Variants in PKIB observed in about 807,000 individuals in gnomAD.
PKIB encodes cAMP-dependent protein kinase inhibitor beta.
PKIB carries 2 observed loss-of-function variants against 4.5 expected under a neutral mutation model. The observed-to-expected ratio is 0.44, with a 90% CI of 0.18 to 1.39. The LOEUF (loss-of-function observed/expected upper bound fraction) is 1.39. Among genes scored for constraint, PKIB ranks in the 40% most tolerant of loss-of-function variants. PKIB has a pLI of 0.27. For missense variants in PKIB, 94 were observed against 92.6 expected, an observed-to-expected ratio of 1.02 and a Z score of -0.06; for synonymous variants, 38 against 36.0, an observed-to-expected ratio of 1.06 and a Z score of -0.20.
At chr6:122,551,041 C>G (rs1772660969) in intron 2 of PKIB, among the ~76,000 whole-genome samples, 2 of 152,126 alleles carry the variant, frequency 1.3e-5, no homozygotes, top group Admixed American at 1.3e-4. Context: ...GCATGGCATT[C>G]TATCTTTTAT....
rs183484621 is a variant in PKIB at position 122,665,758 on chromosome 6, A to G, written c.-75-9320A>G. On this transcript the variant is annotated intron_variant, in intron 2 of 4. Coordinates refer to ENST00000368452, the MANE Select transcript of PKIB (RefSeq NM_181795.3). The stretch of plus-strand genomic sequence containing the variant: ...ATAGATATTTTCTGGTCCTATGCAT[A>G]TAACTGGTTATTTAGAGGTAATTGT... Among the ~76,000 whole-genome samples, 191 of 152,332 alleles carry G rather than the reference A, an allele frequency of 1.3e-3. 1 individual carries two copies. The highest frequency in any genetic ancestry group is 4.2e-3 in the African/African-American group (173 of 41,596).
At chr6:122,575,920 A>T (rs943783607) in intron 2 of PKIB, among the ~76,000 whole-genome samples, 1 of 152,226 alleles carries the variant, frequency 6.6e-6, no homozygotes, top group Non-Finnish European at 1.5e-5. Flanking sequence ...TTTAAAAAAG[A>T]AACTACTGAT....
intron 2 of PKIB, among the ~76,000 whole-genome samples, chr6:122,499,776 C>CT (rs1438632953): frequency 6.6e-6 from 1 of 152,160 alleles, no homozygotes; most frequent in African/African-American, 2.4e-5. Context: ...AATTTCATCT[C>CT]TTTTTGCTGA....
chr6:122,566,398 C>T (rs1349534662), intron 2 of PKIB, among the ~76,000 whole-genome samples: 1 of 152,006 alleles, frequency 6.6e-6, no homozygotes, highest in Non-Finnish European at 1.5e-5. Context: ...TCAATTATTT[C>T]ACAAGATTTT....
intron 2 of PKIB, among the ~76,000 whole-genome samples, chr6:122,576,292 G>A (rs1299020872): frequency 6.6e-6 from 1 of 150,592 alleles, no homozygotes; most frequent in Non-Finnish European, 1.5e-5. Context: ...GAGGTCAGGA[G>A]ATCAAGACCA....
intron 3 of PKIB, among the ~76,000 whole-genome samples, chr6:122,706,107 C>T (rs942472409): frequency 1.2e-4 from 18 of 152,114 alleles, no homozygotes; most frequent in African/African-American, 4.3e-4. Context: ...ACAGATATTT[C>T]TCTGGCTTAG....
In PKIB at chr6:122,613,959, CA is replaced by C. The variant is rs67112737; in HGVS notation, c.-161+3445del. Among the ~76,000 whole-genome samples the C allele has an allele frequency of 7.6e-3, 587 of 77,390 alleles. 2 individuals carry two copies. The highest frequency in any genetic ancestry group is 0.075 in the East Asian group (208 of 2,784). The allele number at this position is 77,390 out of a possible 152,430, so 50.8% of individuals were successfully genotyped here. A position where few individuals can be genotyped will look rare whatever the true frequency, so the allele number is the denominator to read the frequency against. The stretch of plus-strand genomic sequence containing the variant: ...GCCTGGTGACAGAGTGAGACTCCAT[CA>C]AAAAAAAAAAAAAAAAAAAAGAATT... On this transcript the variant is annotated intron_variant, in intron 1 of 4. Coordinates refer to ENST00000368452, the MANE Select transcript of PKIB (RefSeq NM_181795.3).
At chr6:122,719,810 G>A (rs927410155) in intron 4 of PKIB, among the ~76,000 whole-genome samples, 1 of 151,260 alleles carries the variant, frequency 6.6e-6, no homozygotes, top group African/African-American at 2.4e-5. Flanking sequence ...GCTTGATTTA[G>A]CCACTCCACA....
chr6:122,697,629 A>C (rs970837135), intron 3 of PKIB, among the ~76,000 whole-genome samples: 23 of 152,078 alleles, frequency 1.5e-4, no homozygotes, highest in African/African-American at 5.6e-4. Flanking sequence ...GGCAGTGGTG[A>C]CATCAAGGGG....
intron 2 of PKIB, among the ~76,000 whole-genome samples, chr6:122,489,463 G>C (rs1416374695): frequency 6.6e-6 from 1 of 152,138 alleles, no homozygotes; most frequent in Admixed American, 6.5e-5. Context: ...GGCAAGGCTG[G>C]TCTTGAACTC....
chr6:122,484,873 G>A (rs1775718557), intron 2 of PKIB, among the ~76,000 whole-genome samples: 2 of 152,168 alleles, frequency 1.3e-5, no homozygotes, highest in South Asian at 2.1e-4. Context: ...AGACAAGATT[G>A]AAAACCTAAC....
intron 3 of PKIB, among the ~76,000 whole-genome samples, chr6:122,696,858 TCTCCACACTTCAGTC>T (rs1778595276): frequency 1.3e-5 from 2 of 152,206 alleles, no homozygotes; most frequent in African/African-American, 4.8e-5. Flanking sequence ...TGATGCCTTT[TCTCCACACTTCAGTC>T]TCCCTTTCAT....
chr6:122,669,358 C>A (rs1039151308), intron 2 of PKIB, among the ~76,000 whole-genome samples: 2 of 152,014 alleles, frequency 1.3e-5, no homozygotes, highest in Non-Finnish European at 2.9e-5. Context: ...GACATTTAGC[C>A]CACATTAGAT....
chr6:122,551,995 T>A (rs1266032024), intron 2 of PKIB, among the ~76,000 whole-genome samples: 1 of 151,690 alleles, frequency 6.6e-6, no homozygotes, highest in Non-Finnish European at 1.5e-5. Flanking sequence ...TCCTGAGCCT[T>A]CTGTGCATTC....
chr6:122,498,337 A>T (rs1776133935), intron 2 of PKIB, among the ~76,000 whole-genome samples: 1 of 148,454 alleles, frequency 6.7e-6, no homozygotes, highest in African/African-American at 2.6e-5. Context: ...ATTCACTATC[A>T]GGAGGACAGT....
At chr6:122,543,170 T>C (rs577590297) in intron 2 of PKIB, among the ~76,000 whole-genome samples, 1 of 152,158 alleles carries the variant, frequency 6.6e-6, no homozygotes, top group Admixed American at 6.5e-5. Context: ...GCGTCCCGAG[T>C]GAGGCAATGC....
intron 2 of PKIB, among the ~76,000 whole-genome samples, chr6:122,519,770 G>A (rs1482484729): frequency 6.6e-6 from 1 of 152,148 alleles, no homozygotes; most frequent in Non-Finnish European, 1.5e-5. Context: ...TTCATGGAGT[G>A]ACAGCATAAT....
chr6:122,687,632 CTT>C (rs1778146033), intron 3 of PKIB, among the ~76,000 whole-genome samples: 4 of 152,016 alleles, frequency 2.6e-5, no homozygotes, highest in Admixed American at 2.6e-4. Flanking sequence ...TTTGTGTCCT[CTT>C]TAATTTCTTT....
chr6:122,684,230 A>G (rs1414807217), intron 3 of PKIB, among the ~76,000 whole-genome samples: 1 of 152,232 alleles, frequency 6.6e-6, no homozygotes, highest in Admixed American at 6.5e-5. Flanking sequence ...ATAAAGTTTC[A>G]GTAAACCAAA....
Sources: gnomAD v4.1 joint callset for allele counts (sites outside exome capture counted in the v4.1 genomes callset) on GRCh38, gnomAD v4.1.1 for gene constraint, MANE v1.5 for transcripts, NCBI Gene and HGNC (gene_info 2026-07-23, HGNC 2026-07-21) for gene names.